Variants in OTUD7A observed in about 807,000 individuals in gnomAD.
The protein encoded by OTUD7A is OTU deubiquitinase 7A, also known as OTU domain-containing protein 7A.
Under a neutral mutation model 65.7 loss-of-function variants are expected in OTUD7A, and 12 were observed. That is an observed-to-expected ratio of 0.18 (90% confidence interval 0.12 to 0.30). The LOEUF (loss-of-function observed/expected upper bound fraction) is 0.30. Among genes scored for constraint, OTUD7A ranks in the 10% least tolerant of loss-of-function variants. The probability of loss-of-function intolerance (pLI) is 1.00; values close to 1 mark genes in which losing one functional copy is unlikely to be tolerated. For missense variants in OTUD7A, 1,148 were observed against 1,304.8 expected (o/e 0.88, Z 1.85); for synonymous variants, 641 against 586.3 (o/e 1.09, Z -1.35).
At chr15:31,840,943 G>A (rs979124652) in intron 1 of OTUD7A, among the ~76,000 whole-genome samples, 5 of 152,186 alleles carry the variant, frequency 3.3e-5, no homozygotes, top group East Asian at 1.9e-4. Flanking sequence ...ACAGTACCAC[G>A]CTGGGAGGGC....
At chr15:31,853,754 T>G (rs887882301) in intron 1 of OTUD7A, among the ~76,000 whole-genome samples, 3 of 152,224 alleles carry the variant, frequency 2.0e-5, no homozygotes, top group African/African-American at 7.2e-5. Context: ...GGAATTCATG[T>G]GGAATAAATG....
At chr15:31,684,105 G>A (rs1416445212) in intron 1 of OTUD7A, among the ~76,000 whole-genome samples, 2 of 152,242 alleles carry the variant, frequency 1.3e-5, no homozygotes, top group Non-Finnish European at 2.9e-5. Flanking sequence ...CAAGGATGGG[G>A]AATCTTTCTG....
chr15:31,735,338 C>T (rs780365331), intron 1 of OTUD7A, among the ~76,000 whole-genome samples: 5 of 151,944 alleles, frequency 3.3e-5, no homozygotes, highest in Non-Finnish European at 7.4e-5. Flanking sequence ...CCAGCCTGGC[C>T]AACATGGGGA....
chr15:31,789,924 T>C (rs1895770835), intron 1 of OTUD7A, among the ~76,000 whole-genome samples: 1 of 152,120 alleles, frequency 6.6e-6, no homozygotes, highest in South Asian at 2.1e-4. Context: ...AGCCTGGCCC[T>C]ACCTGCCCAT....
At chr15:31,582,525 G>A (rs1354267793) in intron 3 of OTUD7A, among the ~76,000 whole-genome samples, 9 of 152,188 alleles carry the variant, frequency 5.9e-5, no homozygotes, top group Admixed American at 5.9e-4. Flanking sequence ...CACATGCTGG[G>A]GAGGCCTCAC....
At chr15:31,760,824 T>G (rs1302194982) in intron 1 of OTUD7A, among the ~76,000 whole-genome samples, 1 of 152,196 alleles carries the variant, frequency 6.6e-6, no homozygotes, top group Non-Finnish European at 1.5e-5. Flanking sequence ...ATAATTAAGA[T>G]AGTATGGTAT....
intron 1 of OTUD7A, among the ~76,000 whole-genome samples, chr15:31,688,544 T>C (rs1010495610): frequency 4.6e-5 from 7 of 152,040 alleles, no homozygotes; most frequent in Non-Finnish European, 8.8e-5. Context: ...AAAACAGCTA[T>C]GATGAATATT....
intron 1 of OTUD7A, among the ~76,000 whole-genome samples, chr15:31,804,654 G>A (rs180924346): frequency 6.6e-6 from 1 of 152,216 alleles, no homozygotes; most frequent in East Asian, 1.9e-4. Flanking sequence ...GGTGGGGCAG[G>A]GATGGCCAAT....
chr15:31,619,470 C>T (rs927829066), intron 3 of OTUD7A, among the ~76,000 whole-genome samples: 6 of 152,012 alleles, frequency 3.9e-5, no homozygotes, highest in African/African-American at 7.2e-5. Flanking sequence ...GTAGTTCTCC[C>T]TGAAGAGGTC....
intron 5 of OTUD7A, among the ~76,000 whole-genome samples, chr15:31,536,890 C>T (rs962951536): frequency 6.6e-6 from 1 of 152,084 alleles, no homozygotes; most frequent in African/African-American, 2.4e-5. Context: ...TACACACATA[C>T]AGTAAGATGG....
chr15:31,823,782 T>G (rs2140975444), intron 1 of OTUD7A, among the ~76,000 whole-genome samples: 1 of 152,320 alleles, frequency 6.6e-6, no homozygotes, highest in Middle Eastern at 3.4e-3. Flanking sequence ...AAACTAGAAC[T>G]GCCTGGTCAC....
At chr15:31,497,842 C>T (rs1390570211) in intron 10 of OTUD7A, among the ~76,000 whole-genome samples, 2 of 152,150 alleles carry the variant, frequency 1.3e-5, no homozygotes, top group African/African-American at 4.8e-5. Flanking sequence ...CAATTTCCCC[C>T]TCTGTAAAGT....
intron 1 of OTUD7A, among the ~76,000 whole-genome samples, chr15:31,792,260 C>G (rs758835705): frequency 3.9e-5 from 6 of 152,168 alleles, no homozygotes; most frequent in Non-Finnish European, 8.8e-5. Flanking sequence ...ACTGACACCC[C>G]TGACTACATT....
chr15:31,665,835 T>G (rs1165034755), intron 1 of OTUD7A, among the ~76,000 whole-genome samples: 3 of 152,230 alleles, frequency 2.0e-5, no homozygotes, highest in Admixed American at 2.0e-4. Context: ...GTCCCTTGTA[T>G]GCCGATTTTG....
intron 1 of OTUD7A, among the ~76,000 whole-genome samples, chr15:31,838,179 T>C (rs1314960378): frequency 2.6e-5 from 4 of 152,230 alleles, no homozygotes; most frequent in Non-Finnish European, 4.4e-5. Context: ...GAAGAAATTG[T>C]AGGAGAATAT....
At position 31,475,639 on chromosome 15, in the gene OTUD7A, C is replaced by T. The variant is rs892741684; in HGVS notation, c.*7655G>A. ...ACTGGTTTAGTGCTTTAATACTTTACAAAGTAATATCCCAACCACAGAAGA... is the reference window on the plus strand; with the variant it reads ...ACTGGTTTAGTGCTTTAATACTTTATAAAGTAATATCCCAACCACAGAAGA... On this transcript the variant is annotated 3_prime_UTR_variant, in exon 13 of 13. Transcript: ENST00000307050. The T allele has an allele frequency of 1.2e-4, 19 of 152,172 alleles. No individual in the cohort carries two copies. The highest frequency in any genetic ancestry group is 9.2e-4 in the Admixed American group (14 of 15,280). The allele number at this position is 152,172 out of a possible 1,614,324, so 9.4% of individuals were successfully genotyped here.
chr15:31,667,921 C>T (rs1204442610), intron 1 of OTUD7A, among the ~76,000 whole-genome samples: 1 of 152,104 alleles, frequency 6.6e-6, no homozygotes, highest in Non-Finnish European at 1.5e-5. Context: ...TTGCTGCATA[C>T]AAAATTCTTA....
chr15:31,768,271 G>A (rs193174937), intron 1 of OTUD7A: 16 of 738,184 alleles, frequency 2.2e-5, no homozygotes, highest in East Asian at 7.5e-5. Context: ...CCCGGGCAGC[G>A]GCGAGTCTCG....
chr15:31,680,664 C>A (rs1214543305), intron 1 of OTUD7A, among the ~76,000 whole-genome samples: 1 of 152,114 alleles, frequency 6.6e-6, no homozygotes, highest in South Asian at 2.1e-4. Context: ...ACATAATAAA[C>A]CATACTTCAA....
Sources: allele counts gnomAD v4.1 joint callset (sites outside exome capture counted in the v4.1 genomes callset), GRCh38; gene constraint gnomAD v4.1.1; transcripts MANE v1.5; gene names NCBI Gene and HGNC (gene_info 2026-07-23, HGNC 2026-07-21).